Variants in PGGHG observed in about 807,000 individuals in gnomAD.
PGGHG encodes the protein ATH1, acid trehalase-like 1.
In PGGHG, 67 loss-of-function variants were observed where a neutral mutation model predicts 74.5. The ratio of observed to expected loss-of-function variants is 0.90; its 90% CI spans 0.74 to 1.10. The LOEUF (loss-of-function observed/expected upper bound fraction) is 1.10. Ranked by LOEUF, PGGHG falls within the 50% of genes least tolerant of loss-of-function variation. PGGHG has a pLI of 0.00. For synonymous variants in PGGHG, 496 were observed against 419.9 expected, an observed-to-expected ratio of 1.18 and a Z score of -2.21; for missense variants, 1,034 against 981.5, an observed-to-expected ratio of 1.05 and a Z score of -0.72.
rs1378710888 is a variant in PGGHG at position 290,725 on chromosome 11, A to T, written c.518A>T (p.Gln173Leu). The T allele has an allele frequency of 6.2e-7, 1 of 1,605,964 alleles. No individual in the cohort carries two copies. Among genetic ancestry groups the T allele is most frequent in the Admixed American group, 1.7e-5 (1 of 59,598 alleles). ...TLTPEQPGGP[Q>L]QEVHMLWTPA... Reference sequence around the variant, plus strand: ...ACCCCTGAGCAGCCCGGGGGGCCACAGCAAGAGGTACACATGCTGTGGACA... The same window carrying T: ...ACCCCTGAGCAGCCCGGGGGGCCACTGCAAGAGGTACACATGCTGTGGACA... The change falls in exon 4 of 14, where the codon CAG (glutamine) becomes CTG (leucine). Residue 173 changes from glutamine to leucine, a missense_variant. By Grantham distance (113) the Gln-to-Leu change is moderately radical. Coordinates refer to ENST00000409548, the MANE Select transcript of PGGHG (RefSeq NM_025092.5).
At chr11:291,730 C>T (rs1845727782) in intron 4 of PGGHG, 1 of 484,976 alleles carries the variant, frequency 2.1e-6, no homozygotes, top group Non-Finnish European at 3.6e-6. Flanking sequence ...CGGGCTGGAG[C>T]CTCTGAGGCC....
chr11:289,966 C>T lies in PGGHG; in HGVS notation c.150C>T (p.Gly50=), dbSNP rs1182978258. The stretch of plus-strand genomic sequence containing the variant: ...TGAGCGGCGTGTACAATGGGGCTGG[C>T]GGGGACACGCACCGGGCCATGCTGC... ...LHVSGVYNGA[G]GDTHRAMLPS... The change falls in exon 2 of 14, where the codon GGC becomes GGT. Residue 50 remains glycine, a synonymous_variant. Transcript: ENST00000409548. The surrounding 1 kb of genome is among the most constrained non-coding windows in gnomAD (Gnocchi z 5.6). 6.5e-6 allele frequency: 10 copies of T among 1,549,992 alleles called. No individual in the cohort carries two copies. Among genetic ancestry groups the T allele is most frequent in the Admixed American group, 3.9e-5 (2 of 50,982 alleles).
chr11:292,725 G>C, intron 6 of PGGHG, 48 bp downstream of exon 6: 1 of 1,611,922 alleles, frequency 6.2e-7, no homozygotes, highest in Non-Finnish European at 8.5e-7. Flanking sequence ...CCAGGCAGCT[G>C]GTGTAGCCCC....
Position 293,161 on chromosome 11 carries a change from A to G in PGGHG, c.1271-2A>G. 6.2e-7 allele frequency: 1 copy of G among 1,613,932 alleles called. No individual in the cohort carries two copies. The highest frequency in any genetic ancestry group is 8.5e-7 in the Non-Finnish European group (1 of 1,180,000). On this transcript the variant is annotated splice_acceptor_variant, in intron 7 of 13. Transcript: ENST00000409548. LOFTEE classifies it high-confidence loss of function. The stretch of plus-strand genomic sequence containing the variant: ...AGCACCATCTTGGACTTGTGTGTCC[A>G]GGAGTCATGTCCCCCGACGAGTACC...
intron 4 of PGGHG, chr11:291,331 C>T (rs1845714460): frequency 1.8e-6 from 1 of 558,782 alleles, no homozygotes; most frequent in East Asian, 3.1e-5. Flanking sequence ...GAGGCACTTT[C>T]CAGAGCGTGG....
At chr11:292,460 C>T (rs1236940803) in intron 5 of PGGHG, 86 bp from the exon 6 acceptor site, 13 of 1,532,862 alleles carry the variant, frequency 8.5e-6, no homozygotes, top group Admixed American at 5.2e-5. Context: ...CCGAGCCCCC[C>T]CTCCTCCAGG....
chr11:294,927 A>C lies in PGGHG; in HGVS notation c.*178A>C. 4 of 717,130 alleles carry C rather than the reference A, an allele frequency of 5.6e-6. No homozygotes were observed. Among genetic ancestry groups the C allele is most frequent in the Non-Finnish European group, 6.4e-6 (3 of 468,934 alleles). 44.4% of individuals were successfully genotyped at this position (717,130 alleles called of 1,614,324 possible). Reference sequence around the variant, plus strand: ...CTGCCTGTAGCCTGGACTCCCGTGGACCCCCGTGGGCAGGTGGCTTCCCCG... The same window carrying C: ...CTGCCTGTAGCCTGGACTCCCGTGGCCCCCCGTGGGCAGGTGGCTTCCCCG... On this transcript the variant is annotated 3_prime_UTR_variant, in exon 14 of 14. Transcript: ENST00000409548.
chr11:294,197 G>T lies in PGGHG; in HGVS notation c.1808+1G>T. 1 of 1,608,380 alleles carries T rather than the reference G, an allele frequency of 6.2e-7. No homozygotes were observed. Among genetic ancestry groups the T allele is most frequent in the Non-Finnish European group, 8.5e-7 (1 of 1,177,062 alleles). ...TGGTCTTCGGGTGCACGGGGTTCAG[G>T]TAAGTGCAGAGGCTGGCAGAGGGCA... On this transcript the variant is annotated splice_donor_variant, in intron 12 of 13. Coordinates refer to ENST00000409548, the MANE Select transcript of PGGHG (RefSeq NM_025092.5). LOFTEE classifies it high-confidence loss of function.
chr11:293,119 T>C (rs1476905445), intron 7 of PGGHG, 44 bp from the exon 8 acceptor site: 7 of 1,613,828 alleles, frequency 4.3e-6, no homozygotes, highest in Non-Finnish European at 5.9e-6. Context: ...AGGGAAGGCC[T>C]CTGAGACTCT....
chr11:292,072 A>G lies in PGGHG; in HGVS notation c.1003A>G (p.Asn335Asp), dbSNP rs1289404759. 6.4e-7 allele frequency: 1 copy of G among 1,570,494 alleles called. No individual in the cohort carries two copies. Among genetic ancestry groups the G allele is most frequent in the East Asian group, 2.3e-5 (1 of 43,000 alleles). The part of the protein sequence containing the change: ...RIRTLDGALE[N>D]AQNLGYQGAK... ...CCGCACGCTGGACGGGGCCCTGGAGAACGCCCAGAACCTGGGCTACCAGGT... is the reference window on the plus strand; with the variant it reads ...CCGCACGCTGGACGGGGCCCTGGAGGACGCCCAGAACCTGGGCTACCAGGT... Residue 335 changes from asparagine (N) to aspartate (D), a missense_variant, in exon 5 of 14, where the codon AAC (asparagine) becomes GAC (aspartate). Physicochemically the swap from Asn to Asp is conservative, Grantham distance 23. Transcript: ENST00000409548.
Position 291,828 on chromosome 11 carries a change from G to T in PGGHG, c.907-148G>T, listed in dbSNP as rs1845731318. On this transcript the variant is annotated intron_variant, in intron 4 of 13. Coordinates refer to ENST00000409548, the MANE Select transcript of PGGHG (RefSeq NM_025092.5). ...GGCTGGAGACAGAACTGGGTGGGCAGGTGGGGAGGGCCTGCAGATCTGAGT... is the reference window on the plus strand; with the variant it reads ...GGCTGGAGACAGAACTGGGTGGGCATGTGGGGAGGGCCTGCAGATCTGAGT... 7 of 1,176,176 alleles carry T rather than the reference G, an allele frequency of 6.0e-6. No individual in the cohort carries two copies. The East Asian group carries it at 8.0e-5, about 13-fold the overall frequency. The allele number at this position is 1,176,176 out of a possible 1,614,324, so 72.9% of individuals were successfully genotyped here.
rs1398258934 is a variant in PGGHG, at chr11:290,102, C to T, written c.259+27C>T. The T allele has an allele frequency of 4.0e-6, 6 of 1,500,938 alleles. No individual in the cohort carries two copies. In the Admixed American group the frequency reaches 6.2e-5, roughly 16 times the overall value. 93.0% of individuals were successfully genotyped at this position (1,500,938 alleles called of 1,614,324 possible). ...TAGCGCCACCTGGCCTGCCTCACCCCTGCCCCAGGCATTGTTCCAGGTCGG... is the reference window on the plus strand; with the variant it reads ...TAGCGCCACCTGGCCTGCCTCACCCTTGCCCCAGGCATTGTTCCAGGTCGG... On this transcript the variant is annotated intron_variant, in intron 2 of 13. Transcript: ENST00000409548.
intron 4 of PGGHG, 94 bp from the exon 5 acceptor site, chr11:291,882 C>CCAG (rs1845733008): frequency 6.8e-7 from 1 of 1,470,474 alleles, no homozygotes; most frequent in Non-Finnish European, 9.0e-7. Flanking sequence ...CCAGAAGACG[C>CCAG]CAGCGATGGA....
chr11:290,597 C>T lies in PGGHG; in HGVS notation c.467C>T (p.Ala156Val). 1 of 1,566,192 alleles carries T rather than the reference C, an allele frequency of 6.4e-7. No homozygotes were observed. Among genetic ancestry groups the T allele is most frequent in the South Asian group, 1.2e-5 (1 of 86,042 alleles). The change falls in exon 3 of 14, where the codon GCC becomes GTC. Residue 156 changes from alanine to valine, a missense_variant. By Grantham distance (64) the Ala-to-Val change is moderately conservative. Transcript: ENST00000409548. ...CATCAGGGTCCTGACTTCCAGGGAG[C>T]CCGGTAAGGAGGGGGCTGGATTTGC... is the stretch of plus-strand genomic sequence containing the variant. The part of the protein sequence containing the change: ...DLHQGPDFQG[A>V]RYLYGHTLTP...
In PGGHG at chr11:289,939, C is replaced by T. The variant is rs935942545; in HGVS notation, c.123C>T (p.His41=). ...LGTRVFHDTL[H]VSGVYNGAGG... Reference sequence around the variant, plus strand: ...CACGAGTGTTTCACGACACGCTGCACGTGAGCGGCGTGTACAATGGGGCTG... The same window carrying T: ...CACGAGTGTTTCACGACACGCTGCATGTGAGCGGCGTGTACAATGGGGCTG... The change falls in exon 2 of 14, where the codon CAC becomes CAT. Residue 41 remains histidine, a synonymous_variant. Coordinates refer to ENST00000409548, the MANE Select transcript of PGGHG (RefSeq NM_025092.5). This position sits in a 1 kb window ranked among gnomAD's most constrained non-coding sequence, Gnocchi z 5.6. The T allele has an allele frequency of 3.9e-6, 6 of 1,550,634 alleles. No homozygotes were observed. In the African/African-American group the frequency reaches 6.8e-5, roughly 18 times the overall value.
chr11:289,570 A>C lies in PGGHG; in HGVS notation c.-13-234A>C. Reference sequence around the variant, plus strand: ...CTAAGGTAGCAGGAGGGAGAGACACACTCAGGGGCTCAGCTGGGTTCCTGG... The same window carrying C: ...CTAAGGTAGCAGGAGGGAGAGACACCCTCAGGGGCTCAGCTGGGTTCCTGG... On this transcript the variant is annotated intron_variant, in intron 1 of 13. Transcript: ENST00000409548. The surrounding 1 kb of genome is among the most constrained non-coding windows in gnomAD (Gnocchi z 5.6). The C allele has an allele frequency of 3.5e-6, 2 of 566,752 alleles. No homozygotes were observed. Among genetic ancestry groups the C allele is most frequent in the East Asian group, 6.0e-5 (2 of 33,510 alleles). 35.1% of individuals were successfully genotyped at this position (566,752 alleles called of 1,614,324 possible).
rs765406788 is a variant in PGGHG, at chr11:290,555, G to A, written c.425G>A (p.Ser142Asn). 3.7e-5 allele frequency: 57 copies of A among 1,551,240 alleles called. 1 individual carries two copies. The highest frequency in any genetic ancestry group is 4.8e-5 in the Non-Finnish European group (55 of 1,147,334). ...CTGCGGTCAGCCTTCTCCCCAGAAA[G>A]CCCAGACCTGGACCTGCATCAGGGT... The part of the protein sequence containing the change: ...LLLRSAFSPE[S>N]PDLDLHQGPD... The change falls in exon 3 of 14, where the codon AGC becomes AAC. Residue 142 changes from serine (S) to asparagine (N), a missense_variant. By Grantham distance (46) the Ser-to-Asn change is conservative. Coordinates refer to ENST00000409548, the MANE Select transcript of PGGHG (RefSeq NM_025092.5).
In PGGHG at chr11:289,831, C is replaced by T. The variant is rs1343275763; in HGVS notation, c.15C>T (p.Gly5=). The change falls in exon 2 of 14, where the codon GGC becomes GGT. Residue 5 remains glycine, a synonymous_variant. Coordinates refer to ENST00000409548, the MANE Select transcript of PGGHG (RefSeq NM_025092.5). This position sits in a 1 kb window ranked among gnomAD's most constrained non-coding sequence, Gnocchi z 5.6. Reference sequence around the variant, plus strand: ...CCAGCAGCTCCATGGAGGACGCCGGCGAGGACCCCACCACGTTTGCTGCCC... The same window carrying T: ...CCAGCAGCTCCATGGAGGACGCCGGTGAGGACCCCACCACGTTTGCTGCCC... MEDA[G]EDPTTFAAHS... 3.2e-6 allele frequency: 5 copies of T among 1,550,320 alleles called. No individual in the cohort carries two copies. Among genetic ancestry groups the T allele is most frequent in the Admixed American group, 2.0e-5 (1 of 50,964 alleles).
chr11:293,347 C>T lies in PGGHG; in HGVS notation c.1344-19C>T, dbSNP rs202147852. 4.4e-4 allele frequency: 715 copies of T among 1,608,958 alleles called. No homozygotes were observed. The highest frequency in any genetic ancestry group is 7.2e-4 in the African/African-American group (54 of 74,998). On this transcript the variant is annotated intron_variant, in intron 8 of 13. Transcript: ENST00000409548. ...GAAGTGTAGGGGTTGCAGCCTCCCC[C>T]ACCTACCTCCACCTCCAGCCTGCGC...
Sources: gnomAD v4.1 joint callset for allele counts on GRCh38, gnomAD v4.1.1 for gene constraint, Gnocchi (gnomAD v3.1) non-coding constraint, MANE v1.5 for transcripts, NCBI Gene and HGNC (gene_info 2026-07-23, HGNC 2026-07-21) for gene names.